Variants in THTPA observed in about 807,000 individuals in gnomAD.
The protein encoded by THTPA is thiamine triphosphatase, also known as thiamine-triphosphatase.
Under a neutral mutation model 16.5 loss-of-function variants are expected in THTPA, and 16 were observed. That is an observed-to-expected ratio of 0.97 (90% CI 0.66 to 1.47). THTPA has a LOEUF of 1.47. Ranked by LOEUF, THTPA falls within the 40% of genes most tolerant of loss-of-function variation. The probability of loss-of-function intolerance (pLI) is 0.00; values close to 1 mark genes in which losing one functional copy is unlikely to be tolerated. For missense variants in THTPA, 281 were observed against 280.9 expected, an observed-to-expected ratio of 1.00 and a Z score of 0.00; for synonymous variants, 110 against 115.5, an observed-to-expected ratio of 0.95 and a Z score of 0.30.
upstream of THTPA, among the ~76,000 whole-genome samples, chr14:23,554,640 G>A (rs186274033): frequency 6.7e-6 from 1 of 149,328 alleles, no homozygotes; most frequent in African/African-American, 2.5e-5. Flanking sequence ...CTCCTGCCTC[G>A]ACCTCCCAAA....
the THTPA span, among the ~76,000 whole-genome samples, chr14:23,539,613 A>G: frequency 6.6e-6 from 1 of 152,150 alleles, no homozygotes; most frequent in Admixed American, 6.5e-5. Context: ...AAAGGAGAGA[A>G]TCTGCCCCTC....
chr14:23,544,620 G>T, the THTPA span, among the ~76,000 whole-genome samples: 1 of 152,198 alleles, frequency 6.6e-6, no homozygotes, highest in South Asian at 2.1e-4. Flanking sequence ...GTTGCTGTGA[G>T]CCCGTATGTG....
the THTPA span, among the ~76,000 whole-genome samples, chr14:23,540,171 T>C: frequency 6.6e-6 from 1 of 152,110 alleles, no homozygotes; most frequent in African/African-American, 2.4e-5. Context: ...TTGTATTTTT[T>C]GTGGAGACAA....
chr14:23,513,744 C>G, the THTPA span: 1 of 152,516 alleles, frequency 6.6e-6, no homozygotes, highest in Non-Finnish European at 1.5e-5. Flanking sequence ...TCTGTCAGGC[C>G]GGTGCCCAGA....
the THTPA span, among the ~76,000 whole-genome samples, chr14:23,545,215 G>A: frequency 2.0e-5 from 3 of 152,060 alleles, no homozygotes; most frequent in Non-Finnish European, 2.9e-5. Context: ...CTTCATTATC[G>A]TCGTTAATTT....
the THTPA span, chr14:23,534,096 T>C: frequency 6.7e-7 from 1 of 1,498,966 alleles, no homozygotes. The surrounding 1 kb of genome is among the most constrained non-coding windows in gnomAD (Gnocchi z 4.5). Context: ...CACTGGGGTC[T>C]TCGGGGGAGC....
the THTPA span, among the ~76,000 whole-genome samples, chr14:23,550,670 C>T: frequency 6.6e-6 from 1 of 152,142 alleles, no homozygotes; most frequent in South Asian, 2.1e-4. Flanking sequence ...GGCAGACGAG[C>T]GGATGGGGGT....
the THTPA span, chr14:23,526,989 G>C: frequency 2.7e-6 from 4 of 1,491,004 alleles, no homozygotes; most frequent in Admixed American, 8.9e-5. Context: ...ATGAGAAAAA[G>C]CCTAGTGGCT....
the THTPA span, chr14:23,520,969 C>G: frequency 6.6e-6 from 1 of 151,440 alleles, no homozygotes; most frequent in Non-Finnish European, 1.5e-5. This position sits in a 1 kb window ranked among gnomAD's most constrained non-coding sequence, Gnocchi z 8.7. Flanking sequence ...TGCACGTACT[C>G]TCTCTCGCTC....
At chr14:23,524,174 C>G in the THTPA span, 2 of 1,535,972 alleles carry the variant, frequency 1.3e-6, no homozygotes, top group Non-Finnish European at 8.7e-7. This position sits in a 1 kb window ranked among gnomAD's most constrained non-coding sequence, Gnocchi z 5.6. Context: ...ACTAGGCACC[C>G]CCCCAGGGGT....
chr14:23,516,768 G>A, the THTPA span, among the ~76,000 whole-genome samples: 2 of 152,220 alleles, frequency 1.3e-5, no homozygotes, highest in Non-Finnish European at 2.9e-5. Context: ...GGCAGAAGAT[G>A]CTGTGGTTTG....
the THTPA span, among the ~76,000 whole-genome samples, chr14:23,548,609 G>A: frequency 6.6e-6 from 1 of 152,166 alleles, no homozygotes; most frequent in Admixed American, 6.5e-5. Context: ...TGAAGTTTAT[G>A]GGAATTCTAC....
chr14:23,521,989 C>T, the THTPA span: 52 of 1,536,192 alleles, frequency 3.4e-5, no homozygotes, highest in South Asian at 8.3e-5. Context: ...TAGAGGTAGT[C>T]GTAGTTTTTG....
the THTPA span, chr14:23,529,828 AG>A: frequency 2.0e-6 from 3 of 1,494,272 alleles, no homozygotes; most frequent in Non-Finnish European, 1.8e-6. Context: ...GATTTGTAGC[AG>A]AGAGCTTCCA....
rs1304063071 is a variant in THTPA at position 23,558,860 on chromosome 14, G to A, written c.*20G>A. On this transcript the variant is annotated 3_prime_UTR_variant, in exon 2 of 2. Coordinates refer to ENST00000288014, the MANE Select transcript of THTPA (RefSeq NM_024328.6). ...GGCTAGGGGTGTCACTTCCTAGAAG[G>A]GGAAGGGAACTCTGGGTCTAACGGA... The A allele has an allele frequency of 2.5e-6, 4 of 1,613,428 alleles. No individual in the cohort carries two copies. Among genetic ancestry groups the A allele is most frequent in the Non-Finnish European group, 2.5e-6 (3 of 1,179,724 alleles).
chr14:23,529,582 T>A, the THTPA span: 1 of 985,748 alleles, frequency 1.0e-6, no homozygotes, highest in Non-Finnish European at 1.5e-6. Context: ...GGGTGGAATT[T>A]CTTAACTGTG....
the THTPA span, chr14:23,525,974 A>G: frequency 1.3e-6 from 2 of 1,511,324 alleles, no homozygotes; most frequent in African/African-American, 2.8e-5. The surrounding 1 kb of genome is among the most constrained non-coding windows in gnomAD (Gnocchi z 5.9). Context: ...GGGAGGGGAC[A>G]GGAAAGGCAA....
the THTPA span, chr14:23,520,971 C>T: frequency 1.3e-5 from 2 of 151,402 alleles, no homozygotes; most frequent in Admixed American, 1.3e-4. The surrounding 1 kb of genome is among the most constrained non-coding windows in gnomAD (Gnocchi z 8.7). Flanking sequence ...CACGTACTCT[C>T]TCTCGCTCTT....
At chr14:23,533,947 C>A in the THTPA span, 11 of 1,538,020 alleles carry the variant, frequency 7.2e-6, no homozygotes, top group Non-Finnish European at 9.6e-6. This position sits in a 1 kb window ranked among gnomAD's most constrained non-coding sequence, Gnocchi z 4.8. Context: ...CTTGTAGTGC[C>A]AGTTGCACTT....
Sources: allele counts gnomAD v4.1 joint callset (sites outside exome capture counted in the v4.1 genomes callset), GRCh38; gene constraint gnomAD v4.1.1; non-coding constraint Gnocchi (gnomAD v3.1); transcripts MANE v1.5; gene names NCBI Gene and HGNC (gene_info 2026-07-23, HGNC 2026-07-21).